The following LSM4 variants were observed in gnomAD, a reference collection of about 807,000 sequenced individuals.
The protein encoded by LSM4 is LSM4 homolog, U6 small nuclear RNA and mRNA degradation associated, also known as U6 snRNA-associated Sm-like protein LSm4.
LSM4 carries 15 observed loss-of-function variants against 22.3 expected under a neutral mutation model. That is an observed-to-expected ratio of 0.67 (90% CI 0.45 to 1.03). LSM4 has a LOEUF of 1.03. Among genes scored for constraint, LSM4 ranks in the 50% least tolerant of loss-of-function variants. The pLI is 0.00. For synonymous variants in LSM4, 90 were observed against 79.8 expected (o/e 1.13, Z -0.68); for missense variants, 127 against 198.0 (o/e 0.64, Z 2.15).
At chr19:18,316,877 CCAATGCAGGGGT>C (rs973666821) in intron 1 of LSM4, among the ~76,000 whole-genome samples, 12 of 152,136 alleles carry the variant, frequency 7.9e-5, no homozygotes, top group Non-Finnish European at 1.3e-4. Context: ...CTGCCAGGCC[CCAATGCAGGGGT>C]CAATCCCATC....
chr19:18,316,336 AATTTT>A, intron 1 of LSM4: 1 of 236,562 alleles, frequency 4.2e-6, no homozygotes, highest in African/African-American at 2.6e-5. Context: ...CACTCTGGTC[AATTTT>A]TTTTTTTTTT....
chr19:18,309,735 C>T lies in LSM4; in HGVS notation c.271G>A (p.Gly91Arg), dbSNP rs761687592. 6.2e-7 allele frequency: 1 copy of T among 1,612,984 alleles called. No individual in the cohort carries two copies. Reference protein sequence around the residue: ...EEVVAKGRGRGGLQQQKQQKG... With the variant: ...EEVVAKGRGRRGLQQQKQQKG... ...TGCTGCTTCTGCTGCTGCAGGCCTC[C>T]GCGGCCGCGGCCCTTGGCCACCACC... The change falls in exon 4 of 5, where the codon GGA (glycine) becomes AGA (arginine). Residue 91 changes from glycine (G) to arginine (R), a missense_variant. By Grantham distance (125) the Gly-to-Arg change is moderately radical (BLOSUM62 -2). Transcript: ENST00000593829.
At chr19:18,309,957 C>T in intron 3 of LSM4, 96 bp from the exon 4 acceptor site, 5 of 1,126,434 alleles carry the variant, frequency 4.4e-6, no homozygotes, top group Non-Finnish European at 6.4e-6. Flanking sequence ...CCAGCCTGCA[C>T]CCCGTACCAC....
At chr19:18,309,524 C>T in intron 4 of LSM4, 154 bp downstream of exon 4, 1 of 776,638 alleles carries the variant, frequency 1.3e-6, no homozygotes, top group Non-Finnish European at 2.0e-6. Context: ...GGCTCCTCTG[C>T]CTGGGCCTCG....
At chr19:18,316,003 C>G in intron 2 of LSM4, 21 bp downstream of exon 2, 1 of 1,611,942 alleles carries the variant, frequency 6.2e-7, no homozygotes, top group African/African-American at 1.3e-5. Flanking sequence ...AACAGGCTTT[C>G]CCAGACCACT....
chr19:18,321,448 G>A (rs1022384194), intron 1 of LSM4, among the ~76,000 whole-genome samples: 5 of 152,158 alleles, frequency 3.3e-5, no homozygotes, highest in African/African-American at 7.2e-5. Flanking sequence ...TAACCTTTAC[G>A]CCATCTTTGC....
At chr19:18,312,961 C>A (rs1445064216) in intron 2 of LSM4, among the ~76,000 whole-genome samples, 5 of 152,246 alleles carry the variant, frequency 3.3e-5, no homozygotes, top group Non-Finnish European at 7.3e-5. Context: ...TGGCTCACGC[C>A]TGTAATCCCA....
intron 1 of LSM4, 117 bp downstream of exon 1, chr19:18,322,901 G>C: frequency 6.9e-7 from 1 of 1,443,170 alleles, no homozygotes; most frequent in Non-Finnish European, 9.4e-7. Flanking sequence ...GGCGGGACTC[G>C]AGGCTCGGAC....
intron 3 of LSM4, among the ~76,000 whole-genome samples, chr19:18,311,502 T>G (rs937549786): frequency 6.6e-6 from 1 of 152,204 alleles, no homozygotes; most frequent in African/African-American, 2.4e-5. Flanking sequence ...AGGCTTCTCA[T>G]GTCTAGGACC....
intron 2 of LSM4, 47 bp downstream of exon 2, chr19:18,315,977 G>A: frequency 1.3e-6 from 2 of 1,596,508 alleles, no homozygotes; most frequent in African/African-American, 1.3e-5. Context: ...CCTGTGCTGA[G>A]GCTGGCCCCC....
chr19:18,319,913 G>T (rs1175682370), intron 1 of LSM4, among the ~76,000 whole-genome samples: 1 of 152,218 alleles, frequency 6.6e-6, no homozygotes, highest in Admixed American at 6.5e-5. Context: ...CCAGGGCCAA[G>T]CACAAGGCCA....
chr19:18,321,652 A>G (rs1044727804), intron 1 of LSM4, among the ~76,000 whole-genome samples: 2 of 152,364 alleles, frequency 1.3e-5, no homozygotes, highest in Middle Eastern at 3.4e-3. Flanking sequence ...TCTGGCTGCA[A>G]GAGTCTGAAA....
chr19:18,309,798 G>A lies in LSM4; in HGVS notation c.208C>T (p.Arg70Cys), dbSNP rs1314035983. The A allele has an allele frequency of 6.2e-7, 1 of 1,613,906 alleles. No individual in the cohort carries two copies. The highest frequency in any genetic ancestry group is 1.7e-5 in the Admixed American group (1 of 59,988). ...ATGTCGATGATCTCGTCGGGGATGCGCAGGTACTTGATGGTGCTGCCGCGG... is the reference window on the plus strand; with the variant it reads ...ATGTCGATGATCTCGTCGGGGATGCACAGGTACTTGATGGTGCTGCCGCGG... ...YIRGSTIKYL[R>C]IPDEIIDMVK... Residue 70 changes from arginine to cysteine, a missense_variant, in exon 4 of 5, where the codon CGC (arginine) becomes TGC (cysteine). Coordinates refer to ENST00000593829, the MANE Select transcript of LSM4 (RefSeq NM_012321.5).
chr19:18,314,982 T>C (rs1970338822), intron 2 of LSM4, among the ~76,000 whole-genome samples: 1 of 152,116 alleles, frequency 6.6e-6, no homozygotes, highest in Admixed American at 6.6e-5. Flanking sequence ...CCTCCCGGGT[T>C]CACGCCATTC....
At chr19:18,316,251 T>A in intron 1 of LSM4, 186 bp from the exon 2 acceptor site, 1 of 508,882 alleles carries the variant, frequency 2.0e-6, no homozygotes, top group South Asian at 2.6e-5. Flanking sequence ...CACACCTGCC[T>A]CTCAGATTAG....
chr19:18,313,407 C>T (rs1173157703), intron 2 of LSM4, among the ~76,000 whole-genome samples: 1 of 152,174 alleles, frequency 6.6e-6, no homozygotes, highest in African/African-American at 2.4e-5. Context: ...CAGTGTTCCA[C>T]AAATGCTGTT....
Position 18,307,536 on chromosome 19 carries a change from GC to G in LSM4, c.347del (p.Gly116AlafsTer71). The G allele has an allele frequency of 1.3e-6, 2 of 1,547,158 alleles. No homozygotes were observed. The highest frequency in any genetic ancestry group is 1.4e-5 in the African/African-American group (1 of 72,786). The stretch of plus-strand genomic sequence containing the variant: ...TGCCTGTGCCCGGGATCCCACCTCG[GC>G]CCCGGCCACCAAACACACCTAGAGG... The part of the protein sequence containing the change: ...GAGRGVFGGR[G>X]RGGIPGTGRG... On this transcript the variant is annotated frameshift_variant, in exon 5 of 5. Coordinates refer to ENST00000593829, the MANE Select transcript of LSM4 (RefSeq NM_012321.5). LOFTEE classifies it high-confidence loss of function.
chr19:18,315,338 C>T (rs574038162), intron 2 of LSM4, among the ~76,000 whole-genome samples: 15 of 152,120 alleles, frequency 9.9e-5, no homozygotes, highest in Non-Finnish European at 1.9e-4. Context: ...TATGGAGAGA[C>T]GTGGTTTCTC....
Position 18,320,702 on chromosome 19 carries a change from G to A in LSM4, c.3+2316C>T, listed in dbSNP as rs1970416068. Among the ~76,000 whole-genome samples the A allele has an allele frequency of 2.6e-5, 4 of 152,214 alleles. 1 individual carries two copies. The South Asian group carries it at 8.3e-4, about 32-fold the overall frequency. On this transcript the variant is annotated intron_variant, in intron 1 of 4. Coordinates refer to ENST00000593829, the MANE Select transcript of LSM4 (RefSeq NM_012321.5). ...TAATCACAGCTACTTGGGAGGCTGA[G>A]GTAGGAGAATCACTCTCGGAGAGGT...
Sources: allele counts gnomAD v4.1 joint callset (sites outside exome capture counted in the v4.1 genomes callset), GRCh38; gene constraint gnomAD v4.1.1; transcripts MANE v1.5; gene names NCBI Gene and HGNC (gene_info 2026-07-23, HGNC 2026-07-21).